Variants in TULP4 observed in about 807,000 individuals in gnomAD.
The protein encoded by TULP4 is tubby-related protein 4.
TULP4 carries 16 observed loss-of-function variants against 129.0 expected under a neutral mutation model. That is an observed-to-expected ratio of 0.12 (90% confidence interval 0.08 to 0.19). TULP4 has a LOEUF of 0.19. Among genes scored for constraint, TULP4 ranks in the 10% least tolerant of loss-of-function variants. TULP4 has a pLI of 1.00. For missense variants in TULP4, 1,842 were observed against 2,059.1 expected (o/e 0.89, Z 2.04); for synonymous variants, 998 against 854.0 (o/e 1.17, Z -2.94).
At chr6:158,480,203 G>A (rs550734845) in intron 7 of TULP4, among the ~76,000 whole-genome samples, 2 of 152,336 alleles carry the variant, frequency 1.3e-5, no homozygotes, top group Admixed American at 1.3e-4. Context: ...GGCAAAGCTG[G>A]TATTCCTGGA....
intron 1 of TULP4, among the ~76,000 whole-genome samples, chr6:158,334,831 G>T (rs1274666710): frequency 6.6e-6 from 1 of 152,186 alleles, no homozygotes; most frequent in East Asian, 1.9e-4. Context: ...TTATAAAAGG[G>T]CTTGAGGAAG....
At chr6:158,300,183 T>A (rs374653132) in intron 1 of TULP4, among the ~76,000 whole-genome samples, 3 of 152,202 alleles carry the variant, frequency 2.0e-5, no homozygotes, top group East Asian at 1.9e-4. Flanking sequence ...AGTCTCCTAG[T>A]GGGCACCCAG....
intron 1 of TULP4, among the ~76,000 whole-genome samples, chr6:158,264,200 A>G (rs1218640322): frequency 6.6e-6 from 1 of 152,356 alleles, no homozygotes; most frequent in East Asian, 1.9e-4. Flanking sequence ...GTGCGGCCTT[A>G]ACAGAATCAC....
At chr6:158,404,160 G>A (rs1483591252) in intron 1 of TULP4, among the ~76,000 whole-genome samples, 1 of 152,136 alleles carries the variant, frequency 6.6e-6, no homozygotes, top group Non-Finnish European at 1.5e-5. Flanking sequence ...TAGGATATTG[G>A]ATGTCCTTGA....
At chr6:158,492,119 A>G (rs565514876) in intron 9 of TULP4, among the ~76,000 whole-genome samples, 38 of 152,302 alleles carry the variant, frequency 2.5e-4, no homozygotes, top group African/African-American at 8.7e-4. Flanking sequence ...TGGCCTCCCT[A>G]AGTGCTGGGC....
chr6:158,442,763 G>A (rs1434498199), intron 3 of TULP4, among the ~76,000 whole-genome samples: 1 of 151,294 alleles, frequency 6.6e-6, no homozygotes, highest in Non-Finnish European at 1.5e-5. Flanking sequence ...CAGAGGTAAT[G>A]TGTTTTCAGT....
chr6:158,395,950 A>G (rs577037425), intron 1 of TULP4, among the ~76,000 whole-genome samples: 29 of 152,216 alleles, frequency 1.9e-4, no homozygotes, highest in Non-Finnish European at 2.9e-5. Flanking sequence ...GTTAATATGA[A>G]ATACGATGTC....
Position 158,452,228 on chromosome 6 carries a change from C to T in TULP4, c.819C>T (p.Tyr273=), listed in dbSNP as rs375859188. 43 of 1,614,202 alleles carry T rather than the reference C, an allele frequency of 2.7e-5. No individual in the cohort carries two copies. Among genetic ancestry groups the T allele is most frequent in the South Asian group, 7.7e-5 (7 of 91,082 alleles). Residue 273 remains tyrosine (Y), a synonymous_variant, in exon 5 of 14, where the codon TAC becomes TAT. Coordinates refer to ENST00000367097, the MANE Select transcript of TULP4 (RefSeq NM_020245.5). ...TSGDISLMNN[Y]DDLSPTVIRS... ...GAGACATCAGCTTAATGAACAACTA[C>T]GATGACTTGTCTCCCACGGTCATCC...
chr6:158,271,956 T>C (rs1778559851), intron 1 of TULP4, among the ~76,000 whole-genome samples: 1 of 152,130 alleles, frequency 6.6e-6, no homozygotes, highest in Non-Finnish European at 1.5e-5. Flanking sequence ...ACATGTGCAG[T>C]GGAGGGTTTA....
chr6:158,475,449 A>G (rs1037941356), intron 6 of TULP4, among the ~76,000 whole-genome samples: 2 of 152,262 alleles, frequency 1.3e-5, no homozygotes, highest in Admixed American at 6.5e-5. Context: ...TCACAGTTCT[A>G]GCCATCAGTT....
Position 158,417,443 on chromosome 6 carries a change from G to A in TULP4, c.381+4250G>A, listed in dbSNP as rs74970793. Among the ~76,000 whole-genome samples the A allele has an allele frequency of 4.3e-3, 651 of 152,310 alleles. 3 individuals carry two copies. Among genetic ancestry groups the A allele is most frequent in the Non-Finnish European group, 6.4e-3 (433 of 68,032 alleles). On this transcript the variant is annotated intron_variant, in intron 2 of 13. Coordinates refer to ENST00000367097, the MANE Select transcript of TULP4 (RefSeq NM_020245.5). ...GACTAAAGTAATTACTGTATGTTGT[G>A]ATCTCATTTTAGAGTTTTGTTTACT...
At chr6:158,372,164 C>T (rs367958777) in intron 1 of TULP4, among the ~76,000 whole-genome samples, 47 of 83,294 alleles carry the variant, frequency 5.6e-4, no homozygotes, top group Admixed American at 7.4e-4. Flanking sequence ...ATTCTATCTG[C>T]TTTTTTTTTT....
At chr6:158,457,995 C>T (rs662104) in intron 5 of TULP4, among the ~76,000 whole-genome samples, 63,458 of 151,852 alleles carry the variant, frequency 0.42, 14,557 homozygotes, top group African/African-American at 0.62. Context: ...TTCCTCCACC[C>T]CCCACTGCTC....
chr6:158,235,580 T>C (rs1162258140), intron 1 of TULP4, among the ~76,000 whole-genome samples: 1 of 152,220 alleles, frequency 6.6e-6, no homozygotes, highest in Non-Finnish European at 1.5e-5. Flanking sequence ...ACTCCTGGGC[T>C]CAAGCAGTCC....
intron 2 of TULP4, among the ~76,000 whole-genome samples, chr6:158,416,939 CAT>C (rs1778225344): frequency 6.6e-6 from 1 of 152,202 alleles, no homozygotes; most frequent in South Asian, 2.1e-4. Flanking sequence ...AACACAATCA[CAT>C]GTGTACAGGT....
At chr6:158,258,494 T>A (rs1468848922) in intron 1 of TULP4, among the ~76,000 whole-genome samples, 2 of 152,154 alleles carry the variant, frequency 1.3e-5, no homozygotes, top group African/African-American at 4.8e-5. Context: ...AAATAGTGAC[T>A]TCCATGGTAA....
chr6:158,309,446 A>T (rs1439997044), upstream of TULP4, among the ~76,000 whole-genome samples: 13 of 134,854 alleles, frequency 9.6e-5, no homozygotes, highest in South Asian at 3.3e-3. Flanking sequence ...GTCCCAGACG[A>T]TGGGCGGCCA....
intron 1 of TULP4, among the ~76,000 whole-genome samples, chr6:158,274,553 G>A (rs1380115691): frequency 2.0e-5 from 3 of 152,034 alleles, no homozygotes; most frequent in African/African-American, 7.3e-5. Flanking sequence ...AAGGCGGGCG[G>A]ATCATGAGGT....
Position 158,237,983 on chromosome 6 carries a change from C to T in TULP4, n.68+5680C>T, listed in dbSNP as rs184721001. ...TATTTGAGCTTGAAGTTTGCAGCTT[C>T]TTTTATCAAGGACAAATGAGCAGGA... is the stretch of plus-strand genomic sequence containing the variant. On this transcript the variant is annotated intron_variant and non_coding_transcript_variant, in intron 1 of 1. Transcript: ENST00000620026. 47 of 725,332 alleles carry T rather than the reference C, an allele frequency of 6.5e-5. 1 individual carries two copies. Among genetic ancestry groups the T allele is most frequent in the African/African-American group, 5.5e-4 (32 of 57,854 alleles). 44.9% of individuals were successfully genotyped at this position (725,332 alleles called of 1,614,324 possible).
Sources: allele counts gnomAD v4.1 joint callset (sites outside exome capture counted in the v4.1 genomes callset), GRCh38; gene constraint gnomAD v4.1.1; transcripts MANE v1.5; gene names NCBI Gene and HGNC (gene_info 2026-07-23, HGNC 2026-07-21).